Variants in NTRK3 observed in about 807,000 individuals in gnomAD.
NTRK3 encodes the protein neurotrophic receptor tyrosine kinase 3.
NTRK3 carries 24 observed loss-of-function variants against 91.7 expected under a neutral mutation model. That is an observed-to-expected ratio of 0.26 (90% CI 0.19 to 0.37). The LOEUF (loss-of-function observed/expected upper bound fraction) is 0.37, where lower values mean the gene tolerates loss of function less well. Ranked by LOEUF, NTRK3 falls within the 10% of genes least tolerant of loss-of-function variation. The pLI, the probability that NTRK3 is intolerant of heterozygous loss-of-function variation, is 1.00. For missense variants in NTRK3, 880 were observed against 1,068.9 expected (o/e 0.82, Z 2.46); for synonymous variants, 483 against 404.0 (o/e 1.20, Z -2.34).
intron 3 of NTRK3, among the ~76,000 whole-genome samples, chr15:88,229,366 C>G (rs560838258): frequency 6.6e-6 from 1 of 152,288 alleles, no homozygotes; most frequent in South Asian, 2.1e-4. Flanking sequence ...TCTTTACACT[C>G]AGGATCTTTC....
intron 13 of NTRK3, among the ~76,000 whole-genome samples, chr15:88,069,556 C>CT (rs2046935917): frequency 6.6e-6 from 1 of 152,098 alleles, no homozygotes; most frequent in Non-Finnish European, 1.5e-5. Context: ...AAGCATGCTT[C>CT]TTGGAGAGGA....
chr15:88,064,336 A>G (rs1039385137), intron 13 of NTRK3, among the ~76,000 whole-genome samples: 3 of 152,198 alleles, frequency 2.0e-5, no homozygotes, highest in Admixed American at 6.5e-5. Context: ...TTAAAAATCT[A>G]ATACCATCAC....
At chr15:87,992,617 GC>G (rs1163369747) in intron 14 of NTRK3, among the ~76,000 whole-genome samples, 2 of 152,204 alleles carry the variant, frequency 1.3e-5, no homozygotes, top group East Asian at 3.8e-4. Flanking sequence ...CAGGCAATGA[GC>G]AAAGTGCTGT....
chr15:87,921,360 T>A (rs752963216), intron 17 of NTRK3, among the ~76,000 whole-genome samples: 3 of 152,106 alleles, frequency 2.0e-5, no homozygotes, highest in Non-Finnish European at 4.4e-5. Flanking sequence ...TACTTAGGAG[T>A]ACCTAATGGC....
At chr15:88,026,042 C>T (rs1282511141) in intron 14 of NTRK3, among the ~76,000 whole-genome samples, 3 of 152,118 alleles carry the variant, frequency 2.0e-5, no homozygotes, top group African/African-American at 7.2e-5. Context: ...AAGGCCGGGA[C>T]GGGTAGATCA....
intron 13 of NTRK3, chr15:88,098,684 C>T (rs1017258073): frequency 8.6e-6 from 2 of 231,902 alleles, no homozygotes; most frequent in Non-Finnish European, 8.5e-6. Flanking sequence ...GTAAACAGAA[C>T]ATTAATTCAC....
intron 3 of NTRK3, among the ~76,000 whole-genome samples, chr15:88,211,886 AG>A (rs2049278482): frequency 6.6e-6 from 1 of 152,228 alleles, no homozygotes; most frequent in African/African-American, 2.4e-5. Context: ...TCTTCAAATG[AG>A]TGGTTTTGTT....
chr15:88,095,382 C>T (rs564102335), intron 13 of NTRK3, among the ~76,000 whole-genome samples: 1 of 152,244 alleles, frequency 6.6e-6, no homozygotes, highest in South Asian at 2.1e-4. Flanking sequence ...GATGACCCAA[C>T]CCTTCCTAGA....
intron 14 of NTRK3, among the ~76,000 whole-genome samples, chr15:87,951,987 C>T (rs1478517183): frequency 2.6e-5 from 4 of 151,928 alleles, no homozygotes; most frequent in South Asian, 2.1e-4. Context: ...ATTAGCCAGG[C>T]GTGATGGCAC....
At chr15:88,118,313 C>T (rs997732849) in intron 13 of NTRK3, among the ~76,000 whole-genome samples, 2 of 152,166 alleles carry the variant, frequency 1.3e-5, no homozygotes, top group African/African-American at 2.4e-5. Context: ...CTCTTCCGCG[C>T]AAGTGAAAGC....
intron 5 of NTRK3, among the ~76,000 whole-genome samples, chr15:88,180,759 C>T (rs1218017906): frequency 1.3e-5 from 2 of 150,698 alleles, no homozygotes; most frequent in Non-Finnish European, 2.9e-5. Flanking sequence ...TGTGATTGCT[C>T]AGCTGGGGCC....
chr15:87,922,147 A>G (rs1442101720), intron 17 of NTRK3, among the ~76,000 whole-genome samples: 1 of 152,206 alleles, frequency 6.6e-6, no homozygotes, highest in Admixed American at 6.5e-5. Flanking sequence ...TTTTACCTTT[A>G]AAATTACCTA....
At chr15:88,207,222 T>G (rs150514120) in intron 3 of NTRK3, among the ~76,000 whole-genome samples, 2 of 152,280 alleles carry the variant, frequency 1.3e-5, no homozygotes, top group East Asian at 3.9e-4. Context: ...TTATATTACC[T>G]GCCTCCAGCG....
chr15:87,977,196 T>C (rs959899730), intron 14 of NTRK3, among the ~76,000 whole-genome samples: 3 of 152,194 alleles, frequency 2.0e-5, no homozygotes, highest in African/African-American at 4.8e-5. Flanking sequence ...AGACTCTCAA[T>C]GAAAGCAACC....
chr15:88,157,226 C>G (rs986128965), intron 5 of NTRK3, among the ~76,000 whole-genome samples: 37 of 152,122 alleles, frequency 2.4e-4, no homozygotes, highest in African/African-American at 8.7e-4. Context: ...CTTCTTCCCT[C>G]TCTCACACAC....
chr15:88,194,877 G>C (rs1357786565), intron 3 of NTRK3, among the ~76,000 whole-genome samples: 1 of 152,136 alleles, frequency 6.6e-6, no homozygotes, highest in African/African-American at 2.4e-5. Context: ...TCTCCTCTCA[G>C]GACCTTCGCA....
At chr15:88,054,757 T>C (rs1453889244) in intron 13 of NTRK3, among the ~76,000 whole-genome samples, 1 of 152,202 alleles carries the variant, frequency 6.6e-6, no homozygotes, top group Non-Finnish European at 1.5e-5. Flanking sequence ...ATATTGATGA[T>C]GATGATGATG....
At chr15:88,178,549 A>G (rs1401382072) in intron 5 of NTRK3, among the ~76,000 whole-genome samples, 1 of 152,220 alleles carries the variant, frequency 6.6e-6, no homozygotes, top group African/African-American at 2.4e-5. Context: ...GTTTGCTTCC[A>G]AAAGGAGAAA....
chr15:88,030,009 G>A (rs2078382997), intron 14 of NTRK3, among the ~76,000 whole-genome samples: 1 of 152,188 alleles, frequency 6.6e-6, no homozygotes. Context: ...TGCCACTCAT[G>A]TTTTCTGAAA....
Sources: gnomAD v4.1 joint callset for allele counts (sites outside exome capture counted in the v4.1 genomes callset) on GRCh38, gnomAD v4.1.1 for gene constraint, MANE v1.5 for transcripts, NCBI Gene and HGNC (gene_info 2026-07-23, HGNC 2026-07-21) for gene names.